Variants in OXR1 observed in about 807,000 individuals in gnomAD.
The protein encoded by OXR1 is oxidation resistance 1, also known as oxidation resistance protein 1.
OXR1 carries 41 observed loss-of-function variants against 104.6 expected under a neutral mutation model. The observed-to-expected ratio is 0.39, with a 90% CI of 0.31 to 0.51. OXR1 has a LOEUF of 0.51. Ranked by LOEUF, OXR1 falls within the 20% of genes least tolerant of loss-of-function variation. The pLI, the probability that OXR1 is intolerant of heterozygous loss-of-function variation, is 0.77. For synonymous variants in OXR1, 348 were observed against 348.4 expected, an observed-to-expected ratio of 1.00 and a Z score of 0.01; for missense variants, 955 against 1,031.9, an observed-to-expected ratio of 0.93 and a Z score of 1.02.
chr8:106,669,359 T>G (rs28921385), intron 3 of OXR1, among the ~76,000 whole-genome samples: 131 of 152,186 alleles, frequency 8.6e-4, no homozygotes, highest in Non-Finnish European at 1.8e-3. Flanking sequence ...TTTCAAAAAT[T>G]CAACTGAAAA....
chr8:106,527,936 T>C (rs995304230), intron 3 of OXR1, among the ~76,000 whole-genome samples: 2 of 152,194 alleles, frequency 1.3e-5, no homozygotes, highest in Admixed American at 6.5e-5. Context: ...AAAATGAAAT[T>C]AGATCATTGA....
chr8:106,345,222 G>A (rs528807190), intron 1 of OXR1, among the ~76,000 whole-genome samples: 4 of 152,246 alleles, frequency 2.6e-5, no homozygotes, highest in African/African-American at 9.6e-5. Context: ...ACACATAGCA[G>A]GTGCTCAATA....
intron 3 of OXR1, among the ~76,000 whole-genome samples, chr8:106,601,723 T>C (rs538730021): frequency 6.6e-6 from 1 of 152,344 alleles, no homozygotes; most frequent in Non-Finnish European, 1.5e-5. Flanking sequence ...CTCCTGCCTA[T>C]GGGAATGTGA....
chr8:106,358,251 A>G (rs1816066708), intron 1 of OXR1, among the ~76,000 whole-genome samples: 1 of 152,180 alleles, frequency 6.6e-6, no homozygotes, highest in Non-Finnish European at 1.5e-5. Flanking sequence ...GTTGCCATAT[A>G]TGCCTTGGCC....
chr8:106,488,387 G>A (rs1172762746), intron 2 of OXR1, among the ~76,000 whole-genome samples: 2 of 144,774 alleles, frequency 1.4e-5, no homozygotes, highest in African/African-American at 5.1e-5. Flanking sequence ...TGTTCACTCT[G>A]ATGGTAGTTT....
chr8:106,398,816 A>G (rs982063188), intron 2 of OXR1, among the ~76,000 whole-genome samples: 1 of 152,164 alleles, frequency 6.6e-6, no homozygotes, highest in African/African-American at 2.4e-5. Flanking sequence ...GAAATAATAC[A>G]GACATCTGAG....
chr8:106,622,459 A>G (rs1821791084), intron 3 of OXR1, among the ~76,000 whole-genome samples: 1 of 131,836 alleles, frequency 7.6e-6, no homozygotes, highest in African/African-American at 2.9e-5. Context: ...CCCAGCACAC[A>G]CACACACACA....
At chr8:106,744,349 G>A (rs1835201710) in intron 15 of OXR1, among the ~76,000 whole-genome samples, 1 of 152,168 alleles carries the variant, frequency 6.6e-6, no homozygotes, top group South Asian at 2.1e-4. Context: ...CAACTTTCCT[G>A]TAGATAGAAT....
intron 2 of OXR1, among the ~76,000 whole-genome samples, chr8:106,485,618 A>G (rs1207309886): frequency 6.6e-6 from 1 of 152,078 alleles, no homozygotes; most frequent in Non-Finnish European, 1.5e-5. Flanking sequence ...TCTCATTACT[A>G]GGTATATAGG....
chr8:106,386,368 G>C (rs1340801436), intron 2 of OXR1, among the ~76,000 whole-genome samples: 1 of 152,190 alleles, frequency 6.6e-6, no homozygotes, highest in African/African-American at 2.4e-5. Context: ...ATAGGGTAGA[G>C]AGGAGATCCT....
intron 7 of OXR1, among the ~76,000 whole-genome samples, chr8:106,694,448 A>T (rs1403815111): frequency 7.3e-6 from 1 of 136,252 alleles, no homozygotes; most frequent in African/African-American, 2.8e-5. Context: ...ATATATTTTT[A>T]TATATATTTG....
chr8:106,395,846 G>T (rs1172498910), intron 2 of OXR1, among the ~76,000 whole-genome samples: 1 of 151,882 alleles, frequency 6.6e-6, no homozygotes, highest in East Asian at 1.9e-4. Context: ...CTAATTCTAG[G>T]GCTGGGCAGG....
At chr8:106,278,995 G>A (rs1812173741) in intron 1 of OXR1, among the ~76,000 whole-genome samples, 1 of 152,096 alleles carries the variant, frequency 6.6e-6, no homozygotes, top group Non-Finnish European at 1.5e-5. Flanking sequence ...GCACAATGCA[G>A]TTCAAAAATT....
intron 13 of OXR1, among the ~76,000 whole-genome samples, 189 bp downstream of exon 13, chr8:106,739,772 A>G (rs1834759890): frequency 6.6e-6 from 1 of 152,218 alleles, no homozygotes; most frequent in Non-Finnish European, 1.5e-5. Context: ...AGGTAAGCAG[A>G]CACTAAAAGC....
intron 2 of OXR1, among the ~76,000 whole-genome samples, chr8:106,463,559 T>C (rs190384047): frequency 6.6e-6 from 1 of 152,198 alleles, no homozygotes; most frequent in Admixed American, 6.6e-5. Flanking sequence ...CCTAATTTTG[T>C]ATGATGAGAA....
chr8:106,697,312 A>C, intron 7 of OXR1: 4 of 838,068 alleles, frequency 4.8e-6, no homozygotes, highest in South Asian at 1.7e-5. Flanking sequence ...CCTCACCCTG[A>C]CAGAAGGGAG....
At chr8:106,333,478 T>C (rs944081547) in intron 1 of OXR1, among the ~76,000 whole-genome samples, 1 of 152,094 alleles carries the variant, frequency 6.6e-6, no homozygotes, top group Non-Finnish European at 1.5e-5. Flanking sequence ...TACAAGTTTT[T>C]AGTTTTGAAC....
intron 1 of OXR1, among the ~76,000 whole-genome samples, chr8:106,281,427 A>G (rs1245217806): frequency 6.6e-6 from 1 of 152,214 alleles, no homozygotes; most frequent in Non-Finnish European, 1.5e-5. Context: ...TGTACCGGTG[A>G]TCACTGAGGA....
intron 3 of OXR1, among the ~76,000 whole-genome samples, chr8:106,660,388 T>A (rs1825637943): frequency 1.3e-5 from 2 of 152,208 alleles, no homozygotes; most frequent in South Asian, 4.1e-4. Context: ...CTTTCTACTC[T>A]TATTTCAGTT....
Sources: allele counts gnomAD v4.1 joint callset (sites outside exome capture counted in the v4.1 genomes callset), GRCh38; gene constraint gnomAD v4.1.1; transcripts MANE v1.5; gene names NCBI Gene and HGNC (gene_info 2026-07-23, HGNC 2026-07-21).